CDK6: variants seen among roughly 807,000 people sequenced by gnomAD.
CDK6 encodes the protein cyclin dependent kinase 6.
CDK6 carries 6 observed loss-of-function variants against 37.1 expected under a neutral mutation model. The observed-to-expected ratio is 0.16, with a 90% CI of 0.09 to 0.32. CDK6 has a LOEUF of 0.32. Among genes scored for constraint, CDK6 ranks in the 10% least tolerant of loss-of-function variants. The probability of loss-of-function intolerance (pLI) is 1.00; values close to 1 mark genes in which losing one functional copy is unlikely to be tolerated. For missense variants in CDK6, 224 were observed against 418.9 expected (o/e 0.53, Z 4.06); for synonymous variants, 160 against 161.3 (o/e 0.99, Z 0.06).
At chr7:92,678,324 G>A (rs574047612) in intron 4 of CDK6, among the ~76,000 whole-genome samples, 1 of 152,256 alleles carries the variant, frequency 6.6e-6, no homozygotes, top group African/African-American at 2.4e-5. Flanking sequence ...GACAGAGTTT[G>A]GTGATTGGAG....
At chr7:92,793,941 T>G (rs933891005) in intron 2 of CDK6, among the ~76,000 whole-genome samples, 3 of 152,050 alleles carry the variant, frequency 2.0e-5, no homozygotes, top group African/African-American at 7.2e-5. Context: ...ATCAGACTGT[T>G]TAACAATGGT....
intron 2 of CDK6, among the ~76,000 whole-genome samples, chr7:92,824,697 G>C (rs1259238822): frequency 6.6e-6 from 1 of 152,070 alleles, no homozygotes; most frequent in Non-Finnish European, 1.5e-5. Context: ...AGATATCTGT[G>C]TACATGTCAG....
intron 2 of CDK6, among the ~76,000 whole-genome samples, chr7:92,780,535 C>T (rs887762201): frequency 5.3e-5 from 8 of 151,840 alleles, no homozygotes; most frequent in Admixed American, 1.3e-4. Flanking sequence ...CCGAGGAGGG[C>T]GGCTCACGAG....
intron 3 of CDK6, among the ~76,000 whole-genome samples, chr7:92,749,857 G>A (rs942165051): frequency 6.6e-6 from 1 of 152,208 alleles, no homozygotes; most frequent in Non-Finnish European, 1.5e-5. Context: ...AACTTTGATA[G>A]TGCATAGTGA....
chr7:92,641,853 C>T (rs918359011), intron 5 of CDK6, among the ~76,000 whole-genome samples: 1 of 152,162 alleles, frequency 6.6e-6, no homozygotes, highest in Non-Finnish European at 1.5e-5. Flanking sequence ...TTGACTAAAA[C>T]CAGTGAGCCG....
intron 2 of CDK6, among the ~76,000 whole-genome samples, chr7:92,800,987 A>G (rs1025394858): frequency 8.5e-5 from 13 of 152,182 alleles, no homozygotes; most frequent in Admixed American, 2.6e-4. Flanking sequence ...TCCAATATCC[A>G]GTAACTTCCG....
At chr7:92,702,271 C>G (rs1797869062) in intron 4 of CDK6, among the ~76,000 whole-genome samples, 2 of 97,870 alleles carry the variant, frequency 2.0e-5, no homozygotes, top group African/African-American at 4.0e-5. Flanking sequence ...CTTACTCTGT[C>G]GCCCAGGCTG....
intron 3 of CDK6, among the ~76,000 whole-genome samples, chr7:92,727,050 A>T (rs1423560605): frequency 6.6e-6 from 1 of 152,218 alleles, no homozygotes; most frequent in Non-Finnish European, 1.5e-5. Context: ...TAGGACCAAT[A>T]CAAATATACA....
At chr7:92,728,700 C>G (rs1031668037) in intron 3 of CDK6, among the ~76,000 whole-genome samples, 4 of 152,132 alleles carry the variant, frequency 2.6e-5, no homozygotes, top group African/African-American at 7.2e-5. Context: ...TGTATGATGC[C>G]TATAGATGTA....
chr7:92,726,425 T>C (rs544246263), intron 3 of CDK6, among the ~76,000 whole-genome samples: 2 of 152,316 alleles, frequency 1.3e-5, no homozygotes, highest in East Asian at 3.9e-4. Flanking sequence ...TGTTTGTTTT[T>C]TTTTAAACAG....
At chr7:92,646,586 T>TA (rs1562923268) in intron 5 of CDK6, among the ~76,000 whole-genome samples, 1 of 151,880 alleles carries the variant, frequency 6.6e-6, no homozygotes, top group East Asian at 1.9e-4. Context: ...TTAGTAGAGA[T>TA]AGCGTTTCAC....
chr7:92,625,027 A>G (rs746290350), intron 5 of CDK6, among the ~76,000 whole-genome samples: 9 of 151,906 alleles, frequency 5.9e-5, no homozygotes, highest in African/African-American at 9.7e-5. Context: ...CTGTCCTGGG[A>G]GTGAATCTCT....
chr7:92,660,210 T>C (rs930289547), intron 5 of CDK6, among the ~76,000 whole-genome samples: 7 of 152,180 alleles, frequency 4.6e-5, no homozygotes, highest in Non-Finnish European at 8.8e-5. Flanking sequence ...ACAACTTGTG[T>C]GCATGGAAAG....
chr7:92,715,085 C>T (rs1798195395), intron 4 of CDK6, among the ~76,000 whole-genome samples: 1 of 152,110 alleles, frequency 6.6e-6, no homozygotes, highest in African/African-American at 2.4e-5. Context: ...TGAAATCTAT[C>T]AACTGAAATA....
At chr7:92,666,845 C>A (rs1303821513) in intron 5 of CDK6, among the ~76,000 whole-genome samples, 1 of 152,144 alleles carries the variant, frequency 6.6e-6, no homozygotes, top group Non-Finnish European at 1.5e-5. Flanking sequence ...TATGTATTTA[C>A]TATATTATAC....
At chr7:92,807,241 G>T (rs1018552822) in intron 2 of CDK6, among the ~76,000 whole-genome samples, 2 of 151,674 alleles carry the variant, frequency 1.3e-5, no homozygotes, top group African/African-American at 4.8e-5. Flanking sequence ...TTCTAATTTG[G>T]TCATCTTTTA....
At chr7:92,640,313 G>A (rs1264583439) in intron 5 of CDK6, among the ~76,000 whole-genome samples, 1 of 152,182 alleles carries the variant, frequency 6.6e-6, no homozygotes, top group Admixed American at 6.5e-5. Flanking sequence ...TTCAATGCTA[G>A]CCTATCATAA....
chr7:92,657,588 T>G (rs186336725), intron 5 of CDK6, among the ~76,000 whole-genome samples: 1 of 152,312 alleles, frequency 6.6e-6, no homozygotes, highest in African/African-American at 2.4e-5. Flanking sequence ...AAAATGAGGT[T>G]GATTCCTTCC....
chr7:92,687,502 ATG>A (rs1355286476), intron 4 of CDK6, among the ~76,000 whole-genome samples: 1 of 152,334 alleles, frequency 6.6e-6, no homozygotes, highest in Admixed American at 6.5e-5. Context: ...GAAAAAATCC[ATG>A]TGTTTGTGTA....
Sources: gnomAD v4.1 joint callset for allele counts (sites outside exome capture counted in the v4.1 genomes callset) on GRCh38, gnomAD v4.1.1 for gene constraint, MANE v1.5 for transcripts, NCBI Gene and HGNC (gene_info 2026-07-23, HGNC 2026-07-21) for gene names.